NFILZ: variants seen among roughly 807,000 people sequenced by gnomAD.
The protein encoded by NFILZ is NFIL3 like basic leucine zipper.
chr19:8,645,910 A>G (rs1394768261), intron 3 of NFILZ, among the ~76,000 whole-genome samples: 1 of 152,252 alleles, frequency 6.6e-6, no homozygotes, highest in African/African-American at 2.4e-5. Context: ...AGATGATATT[A>G]GGTTGATGCA....
At chr19:8,641,431 T>C (rs935206022) in intron 3 of NFILZ, among the ~76,000 whole-genome samples, 3 of 152,194 alleles carry the variant, frequency 2.0e-5, no homozygotes, top group Non-Finnish European at 4.4e-5. Context: ...TGCTGGCCCA[T>C]TGCCAAAATT....
intron 4 of NFILZ, among the ~76,000 whole-genome samples, chr19:8,674,878 C>T (rs2043104066): frequency 6.6e-6 from 1 of 152,146 alleles, no homozygotes; most frequent in African/African-American, 2.4e-5. Context: ...AAAACCTATA[C>T]TCCCAATTTA....
chr19:8,674,917 T>C (rs2043104268), intron 4 of NFILZ, among the ~76,000 whole-genome samples: 1 of 152,210 alleles, frequency 6.6e-6, no homozygotes, highest in Admixed American at 6.5e-5. Flanking sequence ...ATCTTAAAAC[T>C]CAACACTGAG....
chr19:8,668,206 C>A (rs373922036), intron 3 of NFILZ, among the ~76,000 whole-genome samples: 1 of 152,144 alleles, frequency 6.6e-6, no homozygotes, highest in Non-Finnish European at 1.5e-5. Flanking sequence ...CTGCCTTGGC[C>A]TCCCAAAGTG....
Position 8,678,350 on chromosome 19 carries a change from A to G in NFILZ, c.*715A>G, listed in dbSNP as rs1474897367. Among the ~76,000 whole-genome samples, 3 of 148,858 alleles carry G rather than the reference A, an allele frequency of 2.0e-5. No individual in the cohort carries two copies. Among genetic ancestry groups the G allele is most frequent in the African/African-American group, 4.9e-5 (2 of 40,518 alleles). On this transcript the variant is annotated 3_prime_UTR_variant, in exon 6 of 6. Transcript: ENST00000691075. ...GCCATCCATTCTCATTCATCCATGCATTTGTTTTTCCTTCTATCTATCCAT... is the reference window on the plus strand; with the variant it reads ...GCCATCCATTCTCATTCATCCATGCGTTTGTTTTTCCTTCTATCTATCCAT...
At chr19:8,653,198 A>T (rs1366823412) in intron 3 of NFILZ, among the ~76,000 whole-genome samples, 1 of 151,472 alleles carries the variant, frequency 6.6e-6, no homozygotes, top group Non-Finnish European at 1.5e-5. Flanking sequence ...CTCCTGCCTC[A>T]GCCTCCCAAG....
At chr19:8,658,219 G>A (rs1401984419) in intron 3 of NFILZ, among the ~76,000 whole-genome samples, 1 of 152,132 alleles carries the variant, frequency 6.6e-6, no homozygotes, top group East Asian at 1.9e-4. Context: ...CACCACTTCC[G>A]AGCCGGGAGC....
At chr19:8,653,009 TTC>T (rs1600145563) in intron 3 of NFILZ, among the ~76,000 whole-genome samples, 2,503 of 28,450 alleles carry the variant, frequency 0.088, 42 homozygotes, top group African/African-American at 0.1. Flanking sequence ...CCTTCCTTCC[TTC>T]CTTTCTTTCT....
In NFILZ at chr19:8,674,530, CT is replaced by C. The variant is rs34710911; in HGVS notation, c.-163-5del. ...AGAGCCTCTAAGTCACAAAACTAAA[CT>C]TTTTTTTTTTTTTTTGCAGGATTTC... is the stretch of plus-strand genomic sequence containing the variant. On this transcript the variant is annotated intron_variant, in intron 3 of 5. Transcript: ENST00000691075. 0.34 allele frequency among the ~76,000 whole-genome samples: 47,749 copies of C among 140,682 alleles called. 7,946 individuals are homozygous for C. Among genetic ancestry groups the C allele is most frequent in the South Asian group, 0.45 (1,996 of 4,396 alleles). The allele number at this position is 140,682 out of a possible 152,430, so 92.3% of individuals were successfully genotyped here.
chr19:8,666,623 A>T (rs2043063508), intron 3 of NFILZ, among the ~76,000 whole-genome samples: 1 of 152,122 alleles, frequency 6.6e-6, no homozygotes, highest in African/African-American at 2.4e-5. Flanking sequence ...CATGGCCAAT[A>T]TTGGCTATTT....
Position 8,677,261 on chromosome 19 carries a change from A to T in NFILZ, c.496A>T (p.Thr166Ser), listed in dbSNP as rs2043114983. 6.6e-6 allele frequency among the ~76,000 whole-genome samples: 1 copy of T among 152,188 alleles called. No homozygotes were observed. The highest frequency in any genetic ancestry group is 2.4e-5 in the African/African-American group (1 of 41,464). Residue 166 changes from threonine (T) to serine (S), a missense_variant, in exon 6 of 6, where the codon ACT becomes TCT. By Grantham distance (58) the Thr-to-Ser change is moderately conservative. Coordinates refer to ENST00000691075, the MANE Select transcript of NFILZ (RefSeq NM_001378600.1). ...GGCTCCCAGATGGACTGGCTTGGCC[A>T]CTTCTCCTAGGTCCCCCCAAGAGTC... is the stretch of plus-strand genomic sequence containing the variant. ...LLAPRWTGLA[T>S]SPRSPQESAS...
At chr19:8,669,942 C>T (rs1459940932) in intron 3 of NFILZ, among the ~76,000 whole-genome samples, 2 of 152,144 alleles carry the variant, frequency 1.3e-5, no homozygotes, top group African/African-American at 2.4e-5. Flanking sequence ...GTGTCAATTC[C>T]TCAAATCCCC....
intron 3 of NFILZ, chr19:8,638,638 A>G (rs1050486614): frequency 6.6e-6 from 1 of 152,094 alleles, no homozygotes; most frequent in Admixed American, 6.6e-5. Context: ...ATAAAGATGA[A>G]GAGTTGGTCA....
At chr19:8,636,808 C>T (rs6512214) in intron 3 of NFILZ, among the ~76,000 whole-genome samples, 138,471 of 151,430 alleles carry the variant, frequency 0.91, 63,571 homozygotes, top group Non-Finnish European at 0.95. Flanking sequence ...CCCAGGCTGG[C>T]CTCGAACTCC....
Position 8,656,439 on chromosome 19 carries a change from T to C in NFILZ, c.-163-18112T>C, listed in dbSNP as rs1236340743. 8.5e-4 allele frequency among the ~76,000 whole-genome samples: 65 copies of C among 76,032 alleles called. 3 individuals carry two copies. The highest frequency in any genetic ancestry group is 1.6e-3 in the East Asian group (3 of 1,866). 49.9% of individuals were successfully genotyped at this position (76,032 alleles called of 152,430 possible). A position where few individuals can be genotyped will look rare whatever the true frequency, so the allele number is the denominator to read the frequency against. On this transcript the variant is annotated intron_variant, in intron 3 of 5. Coordinates refer to ENST00000691075, the MANE Select transcript of NFILZ (RefSeq NM_001378600.1). ...ACCCACCTCTTTCCGCAGCCCACCT[T>C]CTCCTCGAAGCCCACCTTCTCTCTG...
chr19:8,647,775 ACATGCGCGCGCGCGCGCGCG>A (rs1267462956), intron 3 of NFILZ, among the ~76,000 whole-genome samples: 2 of 109,274 alleles, frequency 1.8e-5, no homozygotes, highest in Admixed American at 9.9e-5. Context: ...ACACACGCAC[ACATGCGCGCGCGCGCGCGCG>A]CACACACACA....
intron 3 of NFILZ, among the ~76,000 whole-genome samples, chr19:8,659,364 G>A (rs1207724121): frequency 6.6e-6 from 1 of 152,168 alleles, no homozygotes; most frequent in Non-Finnish European, 1.5e-5. Context: ...ACTTAGTCTG[G>A]TAGGTCGGAG....
At chr19:8,669,685 G>T (rs2043078402) in intron 3 of NFILZ, among the ~76,000 whole-genome samples, 1 of 152,188 alleles carries the variant, frequency 6.6e-6, no homozygotes, top group African/African-American at 2.4e-5. Flanking sequence ...ATTAGGAAGG[G>T]TTTGGGTACT....
intron 3 of NFILZ, among the ~76,000 whole-genome samples, chr19:8,647,748 A>AACAC (rs138740763): frequency 0.022 from 2,980 of 137,218 alleles, 78 homozygotes; most frequent in East Asian, 0.1. Context: ...GGAGGGGAAC[A>AACAC]ACACACACAC....
Sources: gnomAD v4.1 joint callset for allele counts (sites outside exome capture counted in the v4.1 genomes callset) on GRCh38, gnomAD v4.1.1 for gene constraint, MANE v1.5 for transcripts, NCBI Gene and HGNC (gene_info 2026-07-23, HGNC 2026-07-21) for gene names.